NDST4: variants seen among roughly 807,000 people sequenced by gnomAD.
The protein encoded by NDST4 is N-deacetylase and N-sulfotransferase 4.
A neutral mutation model predicts 100.8 loss-of-function variants in NDST4; 63 were observed. The ratio of observed to expected loss-of-function variants is 0.62; its 90% CI spans 0.51 to 0.77. The LOEUF (loss-of-function observed/expected upper bound fraction) is 0.77. Among genes scored for constraint, NDST4 ranks in the 30% least tolerant of loss-of-function variants. The pLI is 0.00. For missense variants in NDST4, 943 were observed against 1,018.4 expected (o/e 0.93, Z 1.01); for synonymous variants, 377 against 361.8 (o/e 1.04, Z -0.48).
At chr4:114,845,362 T>C (rs532175906) in intron 10 of NDST4, among the ~76,000 whole-genome samples, 72 of 152,270 alleles carry the variant, frequency 4.7e-4, no homozygotes, top group African/African-American at 1.6e-3. Context: ...ACATAAGTTG[T>C]TGGACTGTTG....
At chr4:114,918,404 A>T (rs1478591110) in intron 6 of NDST4, among the ~76,000 whole-genome samples, 2 of 66,480 alleles carry the variant, frequency 3.0e-5, no homozygotes, top group Non-Finnish European at 5.3e-5. Flanking sequence ...GGGTGGGGGG[A>T]GGGGGGAGGG....
At chr4:114,846,910 G>A (rs369468749) in intron 9 of NDST4, among the ~76,000 whole-genome samples, 6 of 151,996 alleles carry the variant, frequency 3.9e-5, no homozygotes, top group African/African-American at 1.2e-4. Flanking sequence ...GAAAATTGCC[G>A]TTCTGCTTTT....
At chr4:114,952,625 T>G (rs531726607) in intron 4 of NDST4, among the ~76,000 whole-genome samples, 1 of 152,220 alleles carries the variant, frequency 6.6e-6, no homozygotes, top group African/African-American at 2.4e-5. Flanking sequence ...AAAAAGTTCA[T>G]GCTATCCTTT....
intron 6 of NDST4, among the ~76,000 whole-genome samples, chr4:114,921,235 A>T (rs1460375648): frequency 6.6e-6 from 1 of 152,210 alleles, no homozygotes; most frequent in African/African-American, 2.4e-5. Flanking sequence ...AGAGCAACCA[A>T]GCAAGTATTG....
intron 2 of NDST4, among the ~76,000 whole-genome samples, chr4:115,034,477 T>A (rs1417477985): frequency 6.6e-6 from 1 of 152,034 alleles, no homozygotes; most frequent in Admixed American, 6.6e-5. Context: ...ACAACAATAA[T>A]AAAATATTAT....
intron 1 of NDST4, among the ~76,000 whole-genome samples, chr4:115,088,321 T>TTA (rs1729447923): frequency 6.9e-6 from 1 of 144,384 alleles, no homozygotes; most frequent in South Asian, 2.1e-4. Context: ...CTAAAGTTAA[T>TTA]TTTTTTTTTT....
At chr4:115,063,386 A>G (rs1368494985) in intron 2 of NDST4, among the ~76,000 whole-genome samples, 1 of 151,928 alleles carries the variant, frequency 6.6e-6, no homozygotes, top group African/African-American at 2.4e-5. Flanking sequence ...AGCTTAAACT[A>G]TTTTCTAAAT....
intron 6 of NDST4, among the ~76,000 whole-genome samples, chr4:114,882,282 A>C (rs1056174463): frequency 2.0e-5 from 3 of 152,056 alleles, no homozygotes; most frequent in African/African-American, 7.2e-5. Flanking sequence ...GATTCCCCTC[A>C]AAGCAAGAAA....
intron 11 of NDST4, among the ~76,000 whole-genome samples, chr4:114,834,203 A>G (rs900579067): frequency 1.3e-5 from 2 of 152,096 alleles, no homozygotes; most frequent in African/African-American, 4.8e-5. Flanking sequence ...GCCCTAGAAT[A>G]TCATAATTGT....
intron 2 of NDST4, among the ~76,000 whole-genome samples, chr4:115,007,528 G>T (rs901282565): frequency 6.6e-6 from 1 of 152,118 alleles, no homozygotes; most frequent in African/African-American, 2.4e-5. Context: ...TTTTTATTCG[G>T]TTGTTTTTTG....
rs1190559176 is a variant in NDST4, at chr4:114,977,274, C to G, written c.979G>C (p.Ala327Pro). The change falls in exon 3 of 14, where the codon GCA (alanine) becomes CCA (proline). Residue 327 changes from alanine to proline, a missense_variant and splice_region_variant. Ala to Pro is a conservative substitution (Grantham distance 27). Coordinates refer to ENST00000264363, the MANE Select transcript of NDST4 (RefSeq NM_022569.3). ...GTRMNVKDVK[A>P]LLETQNLLRT... ...AGTAAATTTTGAGTCTCTAGTAATGCCTGAAATAAATAAGAAATTAACATG... is the reference window on the plus strand; with the variant it reads ...AGTAAATTTTGAGTCTCTAGTAATGGCTGAAATAAATAAGAAATTAACATG... The G allele has an allele frequency of 1.3e-6, 2 of 1,578,454 alleles. No individual in the cohort carries two copies. The highest frequency in any genetic ancestry group is 1.7e-6 in the Non-Finnish European group (2 of 1,158,302).
At chr4:114,832,542 T>A (rs1723222613) in intron 12 of NDST4, among the ~76,000 whole-genome samples, 1 of 152,200 alleles carries the variant, frequency 6.6e-6, no homozygotes, top group Admixed American at 6.5e-5. Flanking sequence ...TTTCTCCCCA[T>A]TTTTAATTAT....
In NDST4 at chr4:114,935,298, T is replaced by C. The variant is rs751425265; in HGVS notation, c.1444A>G (p.Thr482Ala). 5.2e-5 allele frequency: 83 copies of C among 1,610,216 alleles called. No individual in the cohort carries two copies. The highest frequency in any genetic ancestry group is 1.1e-5 in the Non-Finnish European group (13 of 1,178,368). Residue 482 changes from threonine (T) to alanine (A), a missense_variant, in exon 6 of 14, where the codon ACT becomes GCT. Coordinates refer to ENST00000264363, the MANE Select transcript of NDST4 (RefSeq NM_022569.3). The part of the protein sequence containing the change: ...PRQTCGLFTH[T>A]IFYKEYPGGP... Reference sequence around the variant, plus strand: ...CCTGGATATTCTTTGTAGAAAATAGTGTGAGTGAACAACCCACAAGTCTGT... The same window carrying C: ...CCTGGATATTCTTTGTAGAAAATAGCGTGAGTGAACAACCCACAAGTCTGT...
chr4:114,943,031 T>G (rs1215587454), intron 4 of NDST4, among the ~76,000 whole-genome samples: 1 of 147,420 alleles, frequency 6.8e-6, no homozygotes, highest in African/African-American at 2.5e-5. Flanking sequence ...TAATATAATT[T>G]AAATTATATT....
intron 4 of NDST4, among the ~76,000 whole-genome samples, chr4:114,959,380 G>T (rs1370162069): frequency 1.3e-5 from 2 of 151,348 alleles, no homozygotes; most frequent in Admixed American, 1.3e-4. Flanking sequence ...TCCAAGATGG[G>T]GTAATTTGTA....
At chr4:115,046,773 A>C (rs1728472201) in intron 2 of NDST4, among the ~76,000 whole-genome samples, 1 of 152,172 alleles carries the variant, frequency 6.6e-6, no homozygotes, top group Admixed American at 6.6e-5. Flanking sequence ...GTGATGGAGG[A>C]ATCACAATTG....
At chr4:115,057,665 G>A (rs1179614192) in intron 2 of NDST4, among the ~76,000 whole-genome samples, 1 of 150,694 alleles carries the variant, frequency 6.6e-6, no homozygotes. Context: ...TTTGTTATTT[G>A]TAGATAGAAA....
intron 2 of NDST4, among the ~76,000 whole-genome samples, chr4:115,070,419 G>C (rs1281271986): frequency 1.3e-5 from 2 of 152,118 alleles, no homozygotes; most frequent in African/African-American, 4.8e-5. Context: ...GAGGGTGGGA[G>C]GAGGGTGATG....
At chr4:114,981,486 A>T (rs1578429122) in intron 2 of NDST4, among the ~76,000 whole-genome samples, 2 of 152,274 alleles carry the variant, frequency 1.3e-5, no homozygotes, top group East Asian at 3.9e-4. Context: ...TGGTTCTAAT[A>T]AACGTCGAGC....
Sources: allele counts gnomAD v4.1 joint callset (sites outside exome capture counted in the v4.1 genomes callset), GRCh38; gene constraint gnomAD v4.1.1; transcripts MANE v1.5; gene names NCBI Gene and HGNC (gene_info 2026-07-23, HGNC 2026-07-21).